Variants in VIPR1 observed in about 807,000 individuals in gnomAD.
The protein encoded by VIPR1 is vasoactive intestinal polypeptide receptor 1.
VIPR1 carries 59 observed loss-of-function variants against 58.8 expected under a neutral mutation model. The ratio of observed to expected loss-of-function variants is 1.00; its 90% confidence interval spans 0.81 to 1.25. The LOEUF is 1.25. VIPR1 is among the 50% of genes most tolerant of loss of function. The probability of loss-of-function intolerance (pLI) is 0.00; values close to 1 mark genes in which losing one functional copy is unlikely to be tolerated. For synonymous variants in VIPR1, 251 were observed against 242.1 expected (o/e 1.04, Z -0.34); for missense variants, 626 against 602.7 (o/e 1.04, Z -0.40).
In VIPR1 at chr3:42,534,977, G is replaced by T; in HGVS notation, c.1013G>T (p.Arg338Met). The change falls in exon 11 of 13, where the codon AGG (arginine) becomes ATG (methionine). Residue 338 changes from arginine (R) to methionine (M), a missense_variant and splice_region_variant. Coordinates refer to ENST00000325123, the MANE Select transcript of VIPR1 (RefSeq NM_004624.4). ...IRKSDSSPYS[R>M]LARSTLLLIP... Reference sequence around the variant, plus strand: ...GCCTGTCCCTCCCCTGTCTCCAGAAGGCTAGCCAGGTCCACACTCCTGCTG... The same window carrying T: ...GCCTGTCCCTCCCCTGTCTCCAGAATGCTAGCCAGGTCCACACTCCTGCTG... The T allele has an allele frequency of 6.2e-7, 1 of 1,614,130 alleles. No homozygotes were observed.
At chr3:42,495,264 G>A (rs995263714) in intron 1 of VIPR1, among the ~76,000 whole-genome samples, 13 of 152,004 alleles carry the variant, frequency 8.6e-5, no homozygotes, top group African/African-American at 3.1e-4. Flanking sequence ...TGGGACTATA[G>A]GCGCCCACCA....
At position 42,519,254 on chromosome 3, in the gene VIPR1, C is replaced by T. The variant is rs148921654; in HGVS notation, c.216C>T (p.Cys72=). The T allele has an allele frequency of 9.8e-5, 158 of 1,610,754 alleles. No homozygotes were observed. In the African/African-American group the frequency reaches 1.8e-3, roughly 19 times the overall value. Residue 72 remains cysteine (C), a synonymous_variant, in exon 3 of 13, where the codon TGC becomes TGT. Transcript: ENST00000325123. ...GCAAGATGTGGGACAACCTCACCTG[C>T]TGGCCAGCCACCCCTCGGGGCCAGG... is the stretch of plus-strand genomic sequence containing the variant. The part of the protein sequence containing the change: ...GCSKMWDNLT[C]WPATPRGQVV...
In VIPR1 at chr3:42,536,186, G is replaced by A. The variant is rs1260799916; in HGVS notation, c.1279G>A (p.Gly427Ser). The change falls in exon 13 of 13, where the codon GGC (glycine) becomes AGC (serine). Residue 427 changes from glycine to serine, a missense_variant. Physicochemically the swap from Gly to Ser is moderately conservative, Grantham distance 56. Coordinates refer to ENST00000325123, the MANE Select transcript of VIPR1 (RefSeq NM_004624.4). ...KYRHPSGGSN[G>S]ATCSTQVSML... ...CCGGCACCCGTCGGGAGGCAGCAAC[G>A]GCGCCACGTGCAGCACGCAGGTTTC... 4 of 1,603,846 alleles carry A rather than the reference G, an allele frequency of 2.5e-6. No individual in the cohort carries two copies. Among genetic ancestry groups the A allele is most frequent in the Admixed American group, 1.7e-5 (1 of 59,060 alleles).
upstream of VIPR1, among the ~76,000 whole-genome samples, chr3:42,499,700 T>C (rs1036874775): frequency 6.6e-6 from 1 of 152,116 alleles, no homozygotes; most frequent in Non-Finnish European, 1.5e-5. Context: ...GCTTAGGCTT[T>C]GGACAGGGTG....
chr3:42,528,078 G>C lies in VIPR1; in HGVS notation c.591G>C (p.Leu197Phe), dbSNP rs755875068. Reference sequence around the variant, plus strand: ...CTGCCGCTGTCTTCATCAAAGACTTGGCCCTCTTCGACAGCGGGGAGTCGG... The same window carrying C: ...CTGCCGCTGTCTTCATCAAAGACTTCGCCCTCTTCGACAGCGGGGAGTCGG... ...LRAAAVFIKD[L>F]ALFDSGESDQ... is the part of the protein sequence containing the mutation. Residue 197 changes from leucine (L) to phenylalanine (F), a missense_variant, in exon 6 of 13, where the codon TTG becomes TTC. Physicochemically the swap from Leu to Phe is conservative, Grantham distance 22. Coordinates refer to ENST00000325123, the MANE Select transcript of VIPR1 (RefSeq NM_004624.4). 2.5e-6 allele frequency: 4 copies of C among 1,613,912 alleles called. No individual in the cohort carries two copies. The African/African-American group carries it at 5.3e-5, about 22-fold the overall frequency.
chr3:42,527,637 C>T lies in VIPR1; in HGVS notation c.503+141C>T, dbSNP rs916622377. ...CACATACTCCCCAGCTCCTGCCAGG[C>T]CAGCTTCCCCTGGAGAAGGCAGGTG... On this transcript the variant is annotated intron_variant, in intron 5 of 12. Transcript: ENST00000325123. 3.6e-5 allele frequency: 28 copies of T among 783,594 alleles called. No individual in the cohort carries two copies. In the East Asian group the frequency reaches 7.3e-4, roughly 20 times the overall value. The allele number at this position is 783,594 out of a possible 1,614,324, so 48.5% of individuals were successfully genotyped here.
At chr3:42,526,727 G>A (rs572369277) in intron 4 of VIPR1, among the ~76,000 whole-genome samples, 15 of 152,270 alleles carry the variant, frequency 9.9e-5, no homozygotes, top group African/African-American at 3.1e-4. Context: ...TCAGGCAAGC[G>A]TGGGAGGCTG....
intron 2 of VIPR1, among the ~76,000 whole-genome samples, chr3:42,514,456 A>G (rs1700523123): frequency 1.3e-5 from 2 of 151,772 alleles, no homozygotes; most frequent in African/African-American, 4.8e-5. Flanking sequence ...CACCACAGCC[A>G]ATATTCAGCC....
chr3:42,497,072 A>G (rs1699776035), intron 1 of VIPR1, among the ~76,000 whole-genome samples: 1 of 152,142 alleles, frequency 6.6e-6, no homozygotes, highest in African/African-American at 2.4e-5. Flanking sequence ...TCCCTTTTCC[A>G]GAATCTCTGC....
intron 2 of VIPR1, chr3:42,516,965 T>C (rs1450406935): frequency 1.3e-5 from 2 of 152,282 alleles, no homozygotes; most frequent in Non-Finnish European, 2.9e-5. Flanking sequence ...AGGGTTTGAC[T>C]GACCTGAAGT....
At position 42,530,785 on chromosome 3, in the gene VIPR1, T is replaced by G; in HGVS notation, c.643T>G (p.Cys215Gly). ...TTTTCTCCTCCCCCTGCAGGTGGGC[T>G]GTAAGGCAGCCATGGTCTTTTTCCA... ...SDQCSEGSVG[C>G]KAAMVFFQYC... The change falls in exon 7 of 13, where the codon TGT becomes GGT. Residue 215 changes from cysteine to glycine, a missense_variant. Physicochemically the swap from Cys to Gly is radical, Grantham distance 159 (BLOSUM62 -3). Coordinates refer to ENST00000325123, the MANE Select transcript of VIPR1 (RefSeq NM_004624.4). The G allele has an allele frequency of 1.2e-6, 2 of 1,614,034 alleles. No individual in the cohort carries two copies. The highest frequency in any genetic ancestry group is 1.7e-6 in the Non-Finnish European group (2 of 1,179,898).
chr3:42,534,775 G>A (rs1701753093), intron 10 of VIPR1, 200 bp from the exon 11 acceptor site: 5 of 599,698 alleles, frequency 8.3e-6, no homozygotes, highest in Non-Finnish European at 1.1e-5. Flanking sequence ...CAGGAGGGCT[G>A]GGGGCAGAAG....
At chr3:42,531,740 G>T in intron 8 of VIPR1, 63 bp from the exon 9 acceptor site, 1 of 1,606,306 alleles carries the variant, frequency 6.2e-7, no homozygotes, top group Non-Finnish European at 8.5e-7. Flanking sequence ...ACTGGGGGAG[G>T]TGCTGCTGAG....
chr3:42,521,648 C>T (rs1431384558), intron 3 of VIPR1: 1 of 152,184 alleles, frequency 6.6e-6, no homozygotes, highest in African/African-American at 2.4e-5. Context: ...AAAAAGTCAT[C>T]TACCTAGACT....
At chr3:42,515,778 G>C in intron 2 of VIPR1, among the ~76,000 whole-genome samples, 1 of 152,212 alleles carries the variant, frequency 6.6e-6, no homozygotes, top group East Asian at 1.9e-4. Flanking sequence ...CTGACTCTGA[G>C]TATCTTTGTG....
At chr3:42,492,009 G>T (rs1431794507) in intron 1 of VIPR1, among the ~76,000 whole-genome samples, 1 of 152,160 alleles carries the variant, frequency 6.6e-6, no homozygotes, top group Non-Finnish European at 1.5e-5. Flanking sequence ...AGTTAAAGAT[G>T]ACCTGAGACT....
At position 42,536,346 on chromosome 3, in the gene VIPR1, C is replaced by T; in HGVS notation, c.*65C>T. 1.4e-6 allele frequency: 2 copies of T among 1,446,526 alleles called. No individual in the cohort carries two copies. Among genetic ancestry groups the T allele is most frequent in the Non-Finnish European group, 1.8e-6 (2 of 1,105,966 alleles). The allele number at this position is 1,446,526 out of a possible 1,614,324, so 89.6% of individuals were successfully genotyped here. A position where few individuals can be genotyped will look rare whatever the true frequency, so the allele number is the denominator to read the frequency against. ...CCTTCCCACTCACCCCGGCAGACGC[C>T]GGGGACAGAGGCCTGCCCGGGCGCG... is the stretch of plus-strand genomic sequence containing the variant. On this transcript the variant is annotated 3_prime_UTR_variant, in exon 13 of 13. Coordinates refer to ENST00000325123, the MANE Select transcript of VIPR1 (RefSeq NM_004624.4).
rs1294990403 is a variant in VIPR1, at chr3:42,527,661, TGG to T, written c.503+166_503+167del. ...GCCAGCTTCCCCTGGAGAAGGCAGG[TGG>T]CTGAGCTCTTCCATGTGTTGCAGCC... On this transcript the variant is annotated intron_variant, in intron 5 of 12. Transcript: ENST00000325123. The T allele has an allele frequency of 5.0e-4, 352 of 698,580 alleles. 2 individuals carry two copies. Among genetic ancestry groups the T allele is most frequent in the South Asian group, 1.6e-3 (90 of 56,102 alleles). The allele number at this position is 698,580 out of a possible 1,614,324, so 43.3% of individuals were successfully genotyped here.
chr3:42,537,116 G>A lies in VIPR1; in HGVS notation c.*835G>A, dbSNP rs1270567757. 1 of 152,294 alleles carries A rather than the reference G, an allele frequency of 6.6e-6. No individual in the cohort carries two copies. The highest frequency in any genetic ancestry group is 1.5e-5 in the Non-Finnish European group (1 of 68,076). 9.4% of individuals were successfully genotyped at this position (152,294 alleles called of 1,614,324 possible). On this transcript the variant is annotated 3_prime_UTR_variant, in exon 13 of 13. Transcript: ENST00000325123. Reference sequence around the variant, plus strand: ...ATCTCTCTGTGCTGTGGAAGCAACAGGAATCAAGAGCTGCCCTCCTTGTCC... The same window carrying A: ...ATCTCTCTGTGCTGTGGAAGCAACAAGAATCAAGAGCTGCCCTCCTTGTCC...
Sources: gnomAD v4.1 joint callset for allele counts (sites outside exome capture counted in the v4.1 genomes callset) on GRCh38, gnomAD v4.1.1 for gene constraint, MANE v1.5 for transcripts, NCBI Gene and HGNC (gene_info 2026-07-23, HGNC 2026-07-21) for gene names.